ASCC3: variants seen among roughly 807,000 people sequenced by gnomAD.
ASCC3 encodes activating signal cointegrator 1 complex subunit 3.
A neutral mutation model predicts 256.3 loss-of-function variants in ASCC3; 158 were observed. The ratio of observed to expected loss-of-function variants is 0.62; its 90% CI spans 0.54 to 0.70. The LOEUF (loss-of-function observed/expected upper bound fraction) is 0.70, where lower values mean the gene tolerates loss of function less well. Ranked by LOEUF, ASCC3 falls within the 30% of genes least tolerant of loss-of-function variation. The pLI is 0.00. For missense variants in ASCC3, 2,259 were observed against 2,626.0 expected (o/e 0.86, Z 3.05); for synonymous variants, 948 against 883.4 (o/e 1.07, Z -1.30).
chr6:100,835,929 A>C (rs1452233625), intron 4 of ASCC3, among the ~76,000 whole-genome samples: 1 of 151,998 alleles, frequency 6.6e-6, no homozygotes, highest in Non-Finnish European at 1.5e-5. Context: ...TTATTTCATC[A>C]ATGTTTTATA....
intron 17 of ASCC3, among the ~76,000 whole-genome samples, chr6:100,655,252 C>T (rs1302684088): frequency 1.3e-5 from 2 of 151,804 alleles, no homozygotes. Context: ...AGTCCTCAAA[C>T]TGTTAAGATA....
At chr6:100,599,837 C>T (rs1383358384) in intron 34 of ASCC3, among the ~76,000 whole-genome samples, 2 of 151,988 alleles carry the variant, frequency 1.3e-5, no homozygotes, top group South Asian at 2.1e-4. Flanking sequence ...AAACTAGACT[C>T]TTTAGGATGG....
chr6:100,629,934 G>T (rs1774450780), intron 26 of ASCC3, among the ~76,000 whole-genome samples: 1 of 151,286 alleles, frequency 6.6e-6, no homozygotes, highest in African/African-American at 2.4e-5. Flanking sequence ...GTCTCATTTT[G>T]TCACCAAGGC....
chr6:100,776,943 G>A (rs929742652), intron 8 of ASCC3, among the ~76,000 whole-genome samples: 2 of 151,608 alleles, frequency 1.3e-5, no homozygotes, highest in East Asian at 1.9e-4. Flanking sequence ...GTTTTTCTTC[G>A]GCTCCCTATA....
intron 10 of ASCC3, among the ~76,000 whole-genome samples, chr6:100,734,736 A>G (rs1022417755): frequency 3.9e-5 from 6 of 152,220 alleles, no homozygotes; most frequent in African/African-American, 1.4e-4. Flanking sequence ...CAGGGAAACC[A>G]CTAGGTGCCA....
chr6:100,730,553 T>C lies in ASCC3; in HGVS notation c.1738-4850A>G, dbSNP rs1327621905. Among the ~76,000 whole-genome samples the C allele has an allele frequency of 3.3e-5, 5 of 152,218 alleles. No individual in the cohort carries two copies. The East Asian group carries it at 9.6e-4, about 29-fold the overall frequency. On this transcript the variant is annotated intron_variant, in intron 10 of 41. Coordinates refer to ENST00000369162, the MANE Select transcript of ASCC3 (RefSeq NM_006828.4). ...ACAGCTTGCAAGATTTAAGAACTAC[T>C]GTCTTCCTTTCTAAAATACATAATC...
intron 8 of ASCC3, among the ~76,000 whole-genome samples, chr6:100,788,238 G>C (rs1026074979): frequency 6.6e-6 from 1 of 151,920 alleles, no homozygotes; most frequent in East Asian, 1.9e-4. Flanking sequence ...TAGTCATTAA[G>C]GAAATGCAAA....
At chr6:100,717,981 C>G in intron 12 of ASCC3, 94 bp downstream of exon 12, 5 of 1,245,852 alleles carry the variant, frequency 4.0e-6, no homozygotes, top group Non-Finnish European at 5.7e-6. Flanking sequence ...CCACAAAAGG[C>G]TGAAATGGTC....
At chr6:100,577,531 T>C (rs1471272966) in intron 36 of ASCC3, among the ~76,000 whole-genome samples, 2 of 152,080 alleles carry the variant, frequency 1.3e-5, no homozygotes, top group Non-Finnish European at 2.9e-5. Flanking sequence ...GTCTTCTCCA[T>C]ATGGACGATT....
chr6:100,726,488 C>T (rs141517112), intron 10 of ASCC3, among the ~76,000 whole-genome samples: 223 of 152,040 alleles, frequency 1.5e-3, no homozygotes, highest in Non-Finnish European at 2.7e-3. Context: ...GAAAGCATCC[C>T]TAATTTGAAA....
intron 14 of ASCC3, among the ~76,000 whole-genome samples, chr6:100,669,559 A>G (rs1335596853): frequency 6.6e-6 from 1 of 151,794 alleles, no homozygotes; most frequent in Non-Finnish European, 1.5e-5. Flanking sequence ...TAACTAAAAT[A>G]TGAACATGAT....
chr6:100,532,406 A>ATTT (rs57203625), intron 37 of ASCC3, among the ~76,000 whole-genome samples: 4 of 48,476 alleles, frequency 8.3e-5, no homozygotes, highest in African/African-American at 1.4e-4. Flanking sequence ...ATATATATAT[A>ATTT]TTTTTTTTTT....
chr6:100,811,089 C>A (rs60335824), intron 4 of ASCC3, among the ~76,000 whole-genome samples: 7,510 of 152,086 alleles, frequency 0.049, 608 homozygotes, highest in African/African-American at 0.17. Flanking sequence ...CAGTGTCCAA[C>A]AACGTAAATA....
At chr6:100,851,871 A>T (rs2114513429) in intron 3 of ASCC3, among the ~76,000 whole-genome samples, 1 of 152,318 alleles carries the variant, frequency 6.6e-6, no homozygotes, top group South Asian at 2.1e-4. Flanking sequence ...AGGGCGCTAA[A>T]ACATCAGATG....
chr6:100,774,690 CA>C (rs1782105211), intron 8 of ASCC3, among the ~76,000 whole-genome samples: 1 of 151,976 alleles, frequency 6.6e-6, no homozygotes, highest in African/African-American at 2.4e-5. Flanking sequence ...TTAGTAGAGA[CA>C]AGGTCTTGCT....
chr6:100,618,001 C>T (rs1420096243), intron 30 of ASCC3, among the ~76,000 whole-genome samples: 1 of 152,202 alleles, frequency 6.6e-6, no homozygotes, highest in African/African-American at 2.4e-5. Flanking sequence ...TTGAAATCTC[C>T]ACTTGAAAGT....
chr6:100,633,777 G>T (rs1428426848), intron 25 of ASCC3, among the ~76,000 whole-genome samples: 12 of 151,998 alleles, frequency 7.9e-5, no homozygotes, highest in Non-Finnish European at 1.5e-4. Flanking sequence ...GGGAGACTGA[G>T]GCAGAAGAAT....
intron 8 of ASCC3, 93 bp from the exon 9 acceptor site, chr6:100,767,438 T>TA (rs546280190): frequency 6.6e-5 from 86 of 1,310,192 alleles, no homozygotes; most frequent in South Asian, 1.9e-4. Flanking sequence ...CTTTGTTTTT[T>TA]AAAAAAAAGA....
intron 37 of ASCC3, among the ~76,000 whole-genome samples, chr6:100,533,093 G>GTTTTTT (rs924830888): frequency 6.7e-6 from 1 of 149,724 alleles, no homozygotes. Context: ...CCCATTAGCT[G>GTTTTTT]TTTTTTTTTG....
Sources: gnomAD v4.1 joint callset for allele counts (sites outside exome capture counted in the v4.1 genomes callset) on GRCh38, gnomAD v4.1.1 for gene constraint, MANE v1.5 for transcripts, NCBI Gene and HGNC (gene_info 2026-07-23, HGNC 2026-07-21) for gene names.